The following PCDHGA11 variants were observed in gnomAD, a reference collection of about 807,000 sequenced individuals.
PCDHGA11 encodes protocadherin gamma subfamily A, 11.
Under a neutral mutation model 60.4 loss-of-function variants are expected in PCDHGA11, and 39 were observed. The ratio of observed to expected loss-of-function variants is 0.65; its 90% CI spans 0.50 to 0.84. PCDHGA11 has a LOEUF of 0.84. PCDHGA11 is among the 40% of genes least tolerant of loss of function. PCDHGA11 has a pLI of 0.00. For synonymous variants in PCDHGA11, 533 were observed against 510.3 expected, an observed-to-expected ratio of 1.04 and a Z score of -0.60; for missense variants, 1,165 against 1,197.7, an observed-to-expected ratio of 0.97 and a Z score of 0.40.
intron 1 of PCDHGA11, among the ~76,000 whole-genome samples, chr5:141,492,490 G>C (rs2099741140): frequency 6.6e-6 from 1 of 152,208 alleles, no homozygotes; most frequent in Non-Finnish European, 1.5e-5. Context: ...CCAGGACCAG[G>C]CGAGGACTCC....
intron 1 of PCDHGA11, chr5:141,430,840 A>G: frequency 6.4e-7 from 1 of 1,565,876 alleles, no homozygotes; most frequent in East Asian, 2.2e-5. Flanking sequence ...GGGAGACCGG[A>G]TGCACCCAGA....
rs769232324 is a variant in PCDHGA11, at chr5:141,423,034, G to T, written c.1807G>T (p.Ala603Ser). 4 of 1,614,082 alleles carry T rather than the reference G, an allele frequency of 2.5e-6. No individual in the cohort carries two copies. In the African/African-American group the frequency reaches 4.0e-5, roughly 16 times the overall value. Residue 603 changes from alanine (A) to serine (S), a missense_variant, in exon 1 of 4, where the codon GCC becomes TCC. Coordinates refer to ENST00000398587, the MANE Select transcript of PCDHGA11 (RefSeq NM_018914.3). ...GGTGGACAAAGATTCAGGCCAGAAC[G>T]CCTGGCTGTCCTATCGCCTGCTTAA... Reference protein sequence around the residue: ...VAVDKDSGQNAWLSYRLLKAS... With the variant: ...VAVDKDSGQNSWLSYRLLKAS...
In PCDHGA11 at chr5:141,459,764, A is replaced by G. The variant is rs980972909; in HGVS notation, c.2434-35043A>G. On this transcript the variant is annotated intron_variant, in intron 1 of 3. Transcript: ENST00000398587. ...TTTTAGCAATTCTAGTGGGTGTGTG[A>G]TACTATCTCATTGAAGTTTCAACTG... Among the ~76,000 whole-genome samples, 56 of 152,208 alleles carry G rather than the reference A, an allele frequency of 3.7e-4. 1 individual carries two copies. Among genetic ancestry groups the G allele is most frequent in the Admixed American group, 6.5e-5 (1 of 15,274 alleles).
chr5:141,471,786 A>AT (rs531568169), intron 1 of PCDHGA11, among the ~76,000 whole-genome samples: 23 of 152,362 alleles, frequency 1.5e-4, no homozygotes, highest in African/African-American at 5.5e-4. Flanking sequence ...ACATTATGCT[A>AT]TGTCATATAA....
chr5:141,476,747 C>T lies in PCDHGA11; in HGVS notation c.2434-18060C>T. The T allele has an allele frequency of 6.2e-7, 1 of 1,614,066 alleles. No homozygotes were observed. The highest frequency in any genetic ancestry group is 8.5e-7 in the Non-Finnish European group (1 of 1,180,036). On this transcript the variant is annotated intron_variant, in intron 1 of 3. Transcript: ENST00000398587. This position sits in a 1 kb window ranked among gnomAD's most constrained non-coding sequence, Gnocchi z 7.6. The stretch of plus-strand genomic sequence containing the variant: ...GGACCGAGAACGGGAGCCTAGTCTC[C>T]AGTTAGTGCTGACGGCGTTGGACGG...
rs141151122 is a variant in PCDHGA11, at chr5:141,491,445, C to T, written c.2434-3362C>T. ...GAGGGCAGTGCTGCAGGCGCCAGGA[C>T]TCACCCTCCCCGGACTTCTATAAGC... is the stretch of plus-strand genomic sequence containing the variant. On this transcript the variant is annotated intron_variant, in intron 1 of 3. Transcript: ENST00000398587. This position sits in a 1 kb window ranked among gnomAD's most constrained non-coding sequence, Gnocchi z 6.9. 1 of 1,614,112 alleles carries T rather than the reference C, an allele frequency of 6.2e-7. No individual in the cohort carries two copies. The highest frequency in any genetic ancestry group is 8.5e-7 in the Non-Finnish European group (1 of 1,180,032).
intron 1 of PCDHGA11, among the ~76,000 whole-genome samples, chr5:141,458,351 T>A (rs903399511): frequency 2.0e-5 from 3 of 152,010 alleles, no homozygotes; most frequent in African/African-American, 7.3e-5. Flanking sequence ...GAGAGTTTAA[T>A]AAGCAAGAAG....
At chr5:141,453,321 T>TG (rs2098762672) in intron 1 of PCDHGA11, among the ~76,000 whole-genome samples, 2 of 151,876 alleles carry the variant, frequency 1.3e-5, no homozygotes, top group Admixed American at 6.6e-5. Context: ...ATTTTAGAGA[T>TG]GGGGTCTCAC....
At position 141,432,782 on chromosome 5, in the gene PCDHGA11, C is replaced by G. The variant is rs547164205; in HGVS notation, c.2433+9122C>G. On this transcript the variant is annotated intron_variant, in intron 1 of 3. Transcript: ENST00000398587. The surrounding 1 kb of genome is among the most constrained non-coding windows in gnomAD (Gnocchi z 6.0). ...CAGCATCCCCCAAGTCCTGGCGGACCTCGGCAGCCTCGAGTCTCCAGCTAA... is the reference window on the plus strand; with the variant it reads ...CAGCATCCCCCAAGTCCTGGCGGACGTCGGCAGCCTCGAGTCTCCAGCTAA... 4.3e-6 allele frequency: 7 copies of G among 1,614,046 alleles called. No individual in the cohort carries two copies. The highest frequency in any genetic ancestry group is 3.3e-4 in the Middle Eastern group (2 of 6,084).
intron 2 of PCDHGA11, among the ~76,000 whole-genome samples, chr5:141,502,139 C>T (rs923501238): frequency 6.6e-6 from 1 of 152,104 alleles, no homozygotes; most frequent in African/African-American, 2.4e-5. Flanking sequence ...TCAGTCGGGC[C>T]GGAAGTAAGG....
rs1189175823 is a variant in PCDHGA11 at position 141,422,087 on chromosome 5, G to T, written c.860G>T (p.Ser287Ile). 2 of 1,611,966 alleles carry T rather than the reference G, an allele frequency of 1.2e-6. No individual in the cohort carries two copies. ...ATGTATTCATTTCGGAACATGGAAA[G>T]CAAGGCTTCTGAAATATTCCAATTG... is the stretch of plus-strand genomic sequence containing the variant. Reference protein sequence around the residue: ...EVMYSFRNMESKASEIFQLDS... With the variant: ...EVMYSFRNMEIKASEIFQLDS... Residue 287 changes from serine to isoleucine, a missense_variant, in exon 1 of 4, where the codon AGC becomes ATC. Transcript: ENST00000398587.
chr5:141,486,803 C>T lies in PCDHGA11; in HGVS notation c.2434-8004C>T. 1 of 1,614,228 alleles carries T rather than the reference C, an allele frequency of 6.2e-7. No homozygotes were observed. Among genetic ancestry groups the T allele is most frequent in the South Asian group, 1.1e-5 (1 of 91,084 alleles). ...GCAGGCCCGGGATCGGGGCAACCCACCCCTTAGCAGCACTGTAACAGTTCG... is the reference window on the plus strand; with the variant it reads ...GCAGGCCCGGGATCGGGGCAACCCATCCCTTAGCAGCACTGTAACAGTTCG... On this transcript the variant is annotated intron_variant, in intron 1 of 3. Coordinates refer to ENST00000398587, the MANE Select transcript of PCDHGA11 (RefSeq NM_018914.3). The surrounding 1 kb of genome is among the most constrained non-coding windows in gnomAD (Gnocchi z 5.0).
chr5:141,499,932 C>A (rs1169727162), intron 2 of PCDHGA11, among the ~76,000 whole-genome samples: 1 of 152,076 alleles, frequency 6.6e-6, no homozygotes, highest in Non-Finnish European at 1.5e-5. Context: ...AAGTGATCCA[C>A]CCTCCTCGGC....
rs1418195492 is a variant in PCDHGA11 at position 141,431,459 on chromosome 5, G to T, written c.2433+7799G>T. 4 of 1,613,692 alleles carry T rather than the reference G, an allele frequency of 2.5e-6. No homozygotes were observed. The highest frequency in any genetic ancestry group is 3.4e-6 in the Non-Finnish European group (4 of 1,179,994). Reference sequence around the variant, plus strand: ...CGCGCGCATCCGCGTGATGGTTCTGGATGCGAACGACAACGCACCAGCGTT... The same window carrying T: ...CGCGCGCATCCGCGTGATGGTTCTGTATGCGAACGACAACGCACCAGCGTT... On this transcript the variant is annotated intron_variant, in intron 1 of 3. Transcript: ENST00000398587. This position sits in a 1 kb window ranked among gnomAD's most constrained non-coding sequence, Gnocchi z 4.8.
At position 141,486,047 on chromosome 5, in the gene PCDHGA11, C is replaced by G. The variant is rs763394605; in HGVS notation, c.2434-8760C>G. The G allele has an allele frequency of 3.1e-6, 5 of 1,614,172 alleles. No homozygotes were observed. The East Asian group carries it at 6.7e-5, about 22-fold the overall frequency. On this transcript the variant is annotated intron_variant, in intron 1 of 3. Transcript: ENST00000398587. This position sits in a 1 kb window ranked among gnomAD's most constrained non-coding sequence, Gnocchi z 5.0. ...TCATACCCCTGATCGTGTAAGAAAC[C>G]TCTTTAGCCTGCACCCCACTACTGG...
At chr5:141,433,202 T>C (rs1433315739) in intron 1 of PCDHGA11, 2 of 1,578,202 alleles carry the variant, frequency 1.3e-6, no homozygotes, top group Non-Finnish European at 1.7e-6. Context: ...ATATCAAATC[T>C]TCTTTCTTTT....
At position 141,490,148 on chromosome 5, in the gene PCDHGA11, A is replaced by G. The variant is rs2154582223; in HGVS notation, c.2434-4659A>G. The G allele has an allele frequency of 1.2e-6, 2 of 1,614,232 alleles. No homozygotes were observed. The highest frequency in any genetic ancestry group is 4.5e-5 in the East Asian group (2 of 44,888). On this transcript the variant is annotated intron_variant, in intron 1 of 3. Coordinates refer to ENST00000398587, the MANE Select transcript of PCDHGA11 (RefSeq NM_018914.3). The surrounding 1 kb of genome is among the most constrained non-coding windows in gnomAD (Gnocchi z 5.4). The stretch of plus-strand genomic sequence containing the variant: ...CTAGACCCTAGCAGTGGGGCAATCC[A>G]TGTGTTGGGTCCCATAGACTTTGAG...
chr5:141,487,040 C>T lies in PCDHGA11; in HGVS notation c.2434-7767C>T, dbSNP rs374574042. The T allele has an allele frequency of 3.7e-6, 6 of 1,614,136 alleles. No homozygotes were observed. Among genetic ancestry groups the T allele is most frequent in the South Asian group, 1.1e-5 (1 of 91,082 alleles). On this transcript the variant is annotated intron_variant, in intron 1 of 3. Transcript: ENST00000398587. This position sits in a 1 kb window ranked among gnomAD's most constrained non-coding sequence, Gnocchi z 5.0. Reference sequence around the variant, plus strand: ...AGATCCCAGCCTGTTTGCAGTCTCTCGATATGCTGGGGAGGTGCGGACGGC... The same window carrying T: ...AGATCCCAGCCTGTTTGCAGTCTCTTGATATGCTGGGGAGGTGCGGACGGC...
chr5:141,428,381 C>T, intron 1 of PCDHGA11: 1 of 516,406 alleles, frequency 1.9e-6, no homozygotes, highest in Non-Finnish European at 3.6e-6. Context: ...CTGCGATGCT[C>T]TTCCAGCCCC....
Sources: gnomAD v4.1 joint callset for allele counts (sites outside exome capture counted in the v4.1 genomes callset) on GRCh38, gnomAD v4.1.1 for gene constraint, Gnocchi (gnomAD v3.1) non-coding constraint, MANE v1.5 for transcripts, NCBI Gene and HGNC (gene_info 2026-07-23, HGNC 2026-07-21) for gene names.